C22orf23: variants seen among roughly 807,000 people sequenced by gnomAD.
The protein encoded by C22orf23 is UPF0193 protein EVG1.
C22orf23 carries 30 observed loss-of-function variants against 29.7 expected under a neutral mutation model. That is an observed-to-expected ratio of 1.01 (90% CI 0.76 to 1.37). The LOEUF (loss-of-function observed/expected upper bound fraction) is 1.37, where lower values mean the gene tolerates loss of function less well. Among genes scored for constraint, C22orf23 ranks in the 40% most tolerant of loss-of-function variants. The pLI, the probability that C22orf23 is intolerant of heterozygous loss-of-function variation, is 0.00. For missense variants in C22orf23, 237 were observed against 273.1 expected (o/e 0.87, Z 0.93); for synonymous variants, 90 against 96.1 (o/e 0.94, Z 0.37).
chr22:37,945,217 G>A (rs1383227874), intron 4 of C22orf23, 44 bp from the exon 5 acceptor site: 4 of 1,585,380 alleles, frequency 2.5e-6, no homozygotes, highest in African/African-American at 2.7e-5. Context: ...TGTAAAGGGT[G>A]CCCTTATTCA....
rs144803714 is a variant in C22orf23 at position 37,944,239 on chromosome 22, C to G, written c.590G>C (p.Arg197Pro). 1 of 1,614,178 alleles carries G rather than the reference C, an allele frequency of 6.2e-7. No homozygotes were observed. The highest frequency in any genetic ancestry group is 1.1e-5 in the South Asian group (1 of 91,084). The change falls in exon 7 of 7, where the codon CGG becomes CCG. Residue 197 changes from arginine to proline, a missense_variant. Arg to Pro is a moderately radical substitution (Grantham distance 103, BLOSUM62 -2). Coordinates refer to ENST00000403305, the MANE Select transcript of C22orf23 (RefSeq NM_032561.5). ...TCTGTGGTCAATGTCTTCCATTTCC[C>G]GGAGTTTCTGCAAAGGGCATCAGGG... The part of the protein sequence containing the change: ...IILAEISQKL[R>P]EMEDIDHRRS...
intron 4 of C22orf23, among the ~76,000 whole-genome samples, chr22:37,947,006 G>A (rs1349446656): frequency 1.3e-5 from 2 of 151,920 alleles, no homozygotes; most frequent in African/African-American, 4.8e-5. Flanking sequence ...GTTAGGCTGT[G>A]GCATTGAGCC....
At chr22:37,947,240 C>G (rs1240630130) in intron 4 of C22orf23, 41 bp downstream of exon 4, 1 of 1,606,876 alleles carries the variant, frequency 6.2e-7, no homozygotes, top group Non-Finnish European at 8.5e-7. Context: ...TGTCCTCCCC[C>G]AGGGAGATGG....
intron 3 of C22orf23, among the ~76,000 whole-genome samples, chr22:37,949,011 TCAAA>T (rs1423899043): frequency 6.6e-6 from 1 of 152,208 alleles, no homozygotes. Context: ...TTTTACTACT[TCAAA>T]CAATGCTGCA....
chr22:37,953,446 A>G lies in C22orf23; in HGVS notation c.-10+2T>C, dbSNP rs1931198780. 2 of 531,686 alleles carry G rather than the reference A, an allele frequency of 3.8e-6. No individual in the cohort carries two copies. The highest frequency in any genetic ancestry group is 3.9e-5 in the African/African-American group (2 of 51,318). The allele number at this position is 531,686 out of a possible 1,614,324, so 32.9% of individuals were successfully genotyped here. On this transcript the variant is annotated splice_donor_variant, in intron 1 of 6. Coordinates refer to ENST00000403305, the MANE Select transcript of C22orf23 (RefSeq NM_032561.5). LOFTEE classifies it low-confidence loss of function (5UTR_SPLICE). ...AGTGATATGCCAAAATTGAAATTTC[A>G]CCCTAAGACCCTCTCTGGGTGCTCC...
chr22:37,953,591 C>G lies in C22orf23; in HGVS notation c.-153G>C. The G allele has an allele frequency of 4.7e-6, 3 of 633,948 alleles. No individual in the cohort carries two copies. The highest frequency in any genetic ancestry group is 4.1e-5 in the South Asian group (2 of 48,350). 39.3% of individuals were successfully genotyped at this position (633,948 alleles called of 1,614,324 possible). A position where few individuals can be genotyped will look rare whatever the true frequency, so the allele number is the denominator to read the frequency against. ...CTGCTGGAGCTGGCAGCTAGCGCCT[C>G]TCGCTACTATAGAAACGCGCACACA... On this transcript the variant is annotated 5_prime_UTR_variant, in exon 1 of 7. Transcript: ENST00000403305.
chr22:37,950,276 C>T (rs1930936759), intron 3 of C22orf23, among the ~76,000 whole-genome samples: 1 of 151,162 alleles, frequency 6.6e-6, no homozygotes. Flanking sequence ...TCATGCCCAG[C>T]TAATTTTTGT....
At chr22:37,945,012 C>G (rs772906646) in intron 5 of C22orf23, 30 bp downstream of exon 5, 2 of 1,565,956 alleles carry the variant, frequency 1.3e-6, no homozygotes, top group African/African-American at 1.4e-5. Context: ...TACCCCCACC[C>G]CCAGCATGAC....
intron 2 of C22orf23, among the ~76,000 whole-genome samples, chr22:37,952,199 G>T (rs1244171283): frequency 6.6e-6 from 1 of 152,150 alleles, no homozygotes; most frequent in Non-Finnish European, 1.5e-5. Flanking sequence ...AAACAAAAAA[G>T]TTGTTGAGTA....
chr22:37,952,292 A>G (rs999619416), intron 2 of C22orf23, among the ~76,000 whole-genome samples: 13 of 152,164 alleles, frequency 8.5e-5, no homozygotes, highest in Admixed American at 5.2e-4. Flanking sequence ...TTCCTGCCTG[A>G]TGAAATTCAT....
At chr22:37,945,996 T>C (rs1454166518) in intron 4 of C22orf23, among the ~76,000 whole-genome samples, 1 of 150,930 alleles carries the variant, frequency 6.6e-6, no homozygotes, top group African/African-American at 2.4e-5. Context: ...CGGTAGCTCA[T>C]GCCTGTAATC....
chr22:37,952,716 C>T (rs182004955), intron 2 of C22orf23: 44 of 227,070 alleles, frequency 1.9e-4, no homozygotes, highest in Non-Finnish European at 3.4e-4. Context: ...GGTCCCCAAC[C>T]CTCCGTCCGT....
intron 3 of C22orf23, chr22:37,951,094 C>A: frequency 5.4e-6 from 1 of 184,658 alleles, no homozygotes; most frequent in South Asian, 1.0e-4. Flanking sequence ...CACCTATAGT[C>A]TCAGCTACTT....
At chr22:37,952,347 G>A (rs1178800658) in intron 2 of C22orf23, among the ~76,000 whole-genome samples, 2 of 152,152 alleles carry the variant, frequency 1.3e-5, no homozygotes, top group Non-Finnish European at 2.9e-5. Flanking sequence ...ACTACAGCTT[G>A]TGCTAAGCCC....
intron 5 of C22orf23, chr22:37,944,725 C>A (rs976433511): frequency 2.6e-5 from 15 of 568,246 alleles, no homozygotes; most frequent in African/African-American, 2.6e-4. Flanking sequence ...ATGGTGAAAC[C>A]CCGTGTCTAC....
At chr22:37,950,300 C>T (rs1930938437) in intron 3 of C22orf23, among the ~76,000 whole-genome samples, 1 of 151,112 alleles carries the variant, frequency 6.6e-6, no homozygotes, top group South Asian at 2.1e-4. Context: ...GGCATAGAGA[C>T]AGGGTTTTAC....
chr22:37,946,578 CAAAAA>C (rs891945997), intron 4 of C22orf23, among the ~76,000 whole-genome samples: 1 of 54,848 alleles, frequency 1.8e-5, no homozygotes, highest in Admixed American at 2.2e-4. Flanking sequence ...GACACTGTCT[CAAAAA>C]AAAAAAAAAA....
chr22:37,951,488 C>T lies in C22orf23; in HGVS notation c.138G>A (p.Gln46=). ...MMKESKLTNI[Q]QRHIMDIMKR... ...TCATGATGTCCATGATGTGGCGCTGCTGGATGTTCGTCAGTTTGGATTCCT... is the reference window on the plus strand; with the variant it reads ...TCATGATGTCCATGATGTGGCGCTGTTGGATGTTCGTCAGTTTGGATTCCT... Residue 46 remains glutamine, a synonymous_variant, in exon 3 of 7, where the codon CAG becomes CAA. Transcript: ENST00000403305. The T allele has an allele frequency of 2.5e-6, 4 of 1,614,070 alleles. No homozygotes were observed. Among genetic ancestry groups the T allele is most frequent in the Non-Finnish European group, 3.4e-6 (4 of 1,180,006 alleles).
Position 37,943,933 on chromosome 22 carries a change from G to T in C22orf23, c.*242C>A. ...TGGATACCTTTAGACACATGTCCTAGTAGGGATGCTCGGGCTTTGCTTCTC... is the reference window on the plus strand; with the variant it reads ...TGGATACCTTTAGACACATGTCCTATTAGGGATGCTCGGGCTTTGCTTCTC... On this transcript the variant is annotated 3_prime_UTR_variant, in exon 7 of 7. Coordinates refer to ENST00000403305, the MANE Select transcript of C22orf23 (RefSeq NM_032561.5). 1 of 588,090 alleles carries T rather than the reference G, an allele frequency of 1.7e-6. No individual in the cohort carries two copies. The highest frequency in any genetic ancestry group is 3.0e-6 in the Non-Finnish European group (1 of 328,702). 36.4% of individuals were successfully genotyped at this position (588,090 alleles called of 1,614,324 possible).
Sources: allele counts gnomAD v4.1 joint callset (sites outside exome capture counted in the v4.1 genomes callset), GRCh38; gene constraint gnomAD v4.1.1; transcripts MANE v1.5; gene names NCBI Gene and HGNC (gene_info 2026-07-23, HGNC 2026-07-21).